Variants in SHC3 observed in about 807,000 individuals in gnomAD.
SHC3 encodes the protein SHC-transforming protein 3.
SHC3 carries 15 observed loss-of-function variants against 60.4 expected under a neutral mutation model. The ratio of observed to expected loss-of-function variants is 0.25; its 90% confidence interval spans 0.17 to 0.38. The LOEUF is 0.38. Among genes scored for constraint, SHC3 ranks in the 10% least tolerant of loss-of-function variants. SHC3 has a pLI of 1.00. For missense variants in SHC3, 677 were observed against 786.1 expected, an observed-to-expected ratio of 0.86 and a Z score of 1.66; for synonymous variants, 294 against 325.9, an observed-to-expected ratio of 0.90 and a Z score of 1.05.
intron 1 of SHC3, among the ~76,000 whole-genome samples, chr9:89,130,923 G>A (rs1330122395): frequency 1.3e-5 from 2 of 152,086 alleles, no homozygotes; most frequent in Non-Finnish European, 2.9e-5. Context: ...AGAACTGAAG[G>A]AGATAGAGAC....
chr9:89,020,254 G>A (rs1280537644), intron 11 of SHC3, among the ~76,000 whole-genome samples: 1 of 151,800 alleles, frequency 6.6e-6, no homozygotes, highest in African/African-American at 2.4e-5. Flanking sequence ...AGAGGGAGAG[G>A]TGACAGGGGG....
rs1826040923 is a variant in SHC3, at chr9:89,013,441, G to A, written c.*6C>T. ...GTGCGCAGTGCTGGGAGCAGTGCTG[G>A]CCAGGTCACTGCTTCCTCTCCACTG... is the stretch of plus-strand genomic sequence containing the variant. On this transcript the variant is annotated 3_prime_UTR_variant, in exon 12 of 12. Coordinates refer to ENST00000375835, the MANE Select transcript of SHC3 (RefSeq NM_016848.6). 1 of 1,609,960 alleles carries A rather than the reference G, an allele frequency of 6.2e-7. No individual in the cohort carries two copies. Among genetic ancestry groups the A allele is most frequent in the Non-Finnish European group, 8.5e-7 (1 of 1,178,090 alleles).
At chr9:89,045,645 G>A (rs1261435602) in intron 9 of SHC3, 101 bp downstream of exon 9, 1 of 969,042 alleles carries the variant, frequency 1.0e-6, no homozygotes, top group Non-Finnish European at 1.6e-6. Context: ...ATATCCAGGG[G>A]TCACTCTGTC....
chr9:89,041,967 A>C (rs78459141), intron 10 of SHC3, 59 bp downstream of exon 10: 1 of 1,598,946 alleles, frequency 6.3e-7, no homozygotes, highest in East Asian at 2.2e-5. Context: ...TTTCAAATAA[A>C]AGGCAGGATA....
chr9:89,029,558 G>C (rs1437697258), intron 11 of SHC3, among the ~76,000 whole-genome samples: 1 of 152,142 alleles, frequency 6.6e-6, no homozygotes, highest in African/African-American at 2.4e-5. Flanking sequence ...TAAAAAGTGA[G>C]TGAAAGCCAA....
chr9:89,110,249 C>T (rs769810629), intron 2 of SHC3: 59 of 984,986 alleles, frequency 6.0e-5, no homozygotes, highest in Admixed American at 1.8e-4. Flanking sequence ...GAAGCCCAGC[C>T]GTAGGGGCAA....
intron 6 of SHC3, among the ~76,000 whole-genome samples, chr9:89,059,750 AGG>A (rs1266061312): frequency 2.9e-3 from 147 of 50,592 alleles, no homozygotes; most frequent in Non-Finnish European, 3.7e-3. Flanking sequence ...GACGTGGTGG[AGG>A]ATGGTGGTGG....
chr9:89,146,683 A>G (rs1356333206), intron 1 of SHC3, among the ~76,000 whole-genome samples: 1 of 152,188 alleles, frequency 6.6e-6, no homozygotes, highest in Non-Finnish European at 1.5e-5. Flanking sequence ...GCCTACCTTC[A>G]GATGTCAGAA....
chr9:89,008,353 GA>G lies in SHC3; in HGVS notation c.*5093del, dbSNP rs1172996263. ...AAGCATAATTATAAATTAGAGGGGG[GA>G]AAGCCATCAATAAGAGACAGGTAAG... On this transcript the variant is annotated 3_prime_UTR_variant, in exon 12 of 12. Coordinates refer to ENST00000375835, the MANE Select transcript of SHC3 (RefSeq NM_016848.6). 1 of 152,204 alleles carries G rather than the reference GA, an allele frequency of 6.6e-6. No individual in the cohort carries two copies. Among genetic ancestry groups the G allele is most frequent in the Admixed American group, 6.5e-5 (1 of 15,284 alleles). 9.4% of individuals were successfully genotyped at this position (152,204 alleles called of 1,614,324 possible). A position where few individuals can be genotyped will look rare whatever the true frequency, so the allele number is the denominator to read the frequency against.
intron 8 of SHC3, among the ~76,000 whole-genome samples, chr9:89,046,513 C>A (rs555013702): frequency 2.0e-5 from 3 of 152,220 alleles, no homozygotes; most frequent in South Asian, 4.2e-4. Context: ...GAACCCAATG[C>A]CTCCCAAGCC....
chr9:89,066,173 G>A (rs140640993), intron 5 of SHC3, among the ~76,000 whole-genome samples: 3 of 152,202 alleles, frequency 2.0e-5, no homozygotes, highest in Non-Finnish European at 4.4e-5. Context: ...CCATACCCCC[G>A]AGTTTCTAAT....
chr9:89,055,106 G>C (rs1173808623), intron 6 of SHC3, among the ~76,000 whole-genome samples: 1 of 152,242 alleles, frequency 6.6e-6, no homozygotes. Context: ...CTGGGGATGT[G>C]GTGGCTTTCA....
chr9:89,049,154 A>G (rs1251082533), intron 7 of SHC3, among the ~76,000 whole-genome samples: 1 of 152,238 alleles, frequency 6.6e-6, no homozygotes, highest in Non-Finnish European at 1.5e-5. Flanking sequence ...CCAGCTACTC[A>G]GGAGGCTGAG....
intron 1 of SHC3, among the ~76,000 whole-genome samples, chr9:89,147,401 C>T (rs74411245): frequency 6.6e-6 from 1 of 152,146 alleles, no homozygotes; most frequent in African/African-American, 2.4e-5. Flanking sequence ...CAACTCCCCA[C>T]CCATCCTCCT....
At chr9:89,060,960 C>G (rs1420961425) in intron 6 of SHC3, among the ~76,000 whole-genome samples, 1 of 152,092 alleles carries the variant, frequency 6.6e-6, no homozygotes, top group East Asian at 1.9e-4. Context: ...AAGTGCTGGA[C>G]CTATCTGTGT....
At chr9:89,089,875 C>T (rs1265164771) in intron 2 of SHC3, among the ~76,000 whole-genome samples, 1 of 152,186 alleles carries the variant, frequency 6.6e-6, no homozygotes, top group African/African-American at 2.4e-5. Flanking sequence ...GTAGGAAGCC[C>T]CCAAGGGCCA....
intron 1 of SHC3, among the ~76,000 whole-genome samples, chr9:89,116,739 C>G (rs17527438): frequency 0.061 from 9,242 of 152,200 alleles, 368 homozygotes; most frequent in Admixed American, 0.11. Context: ...GTGAATACCT[C>G]CATCAATGTC....
chr9:89,018,691 C>A (rs1257661797), intron 11 of SHC3, among the ~76,000 whole-genome samples: 1 of 142,530 alleles, frequency 7.0e-6, no homozygotes, highest in Non-Finnish European at 1.5e-5. Context: ...TTCTTTCTTT[C>A]TTTCTTTCTT....
At chr9:89,080,961 T>C (rs920893844) in intron 2 of SHC3, among the ~76,000 whole-genome samples, 38 of 152,044 alleles carry the variant, frequency 2.5e-4, no homozygotes, top group Admixed American at 7.2e-4. Context: ...AGACATGGGG[T>C]TTCACCGTAT....
Sources: allele counts gnomAD v4.1 joint callset (sites outside exome capture counted in the v4.1 genomes callset), GRCh38; gene constraint gnomAD v4.1.1; transcripts MANE v1.5; gene names NCBI Gene and HGNC (gene_info 2026-07-23, HGNC 2026-07-21).